The following CRYBG2 variants were observed in gnomAD, a reference collection of about 807,000 sequenced individuals.
The protein encoded by CRYBG2 is beta/gamma crystallin domain-containing protein 2.
In CRYBG2, 106 loss-of-function variants were observed where a neutral mutation model predicts 153.4. That is an observed-to-expected ratio of 0.69 (90% CI 0.59 to 0.81). CRYBG2 has a LOEUF of 0.81. Ranked by LOEUF, CRYBG2 falls within the 30% of genes least tolerant of loss-of-function variation. The pLI is 0.00. For synonymous variants in CRYBG2, 851 were observed against 877.8 expected (o/e 0.97, Z 0.54); for missense variants, 1,996 against 2,112.0 (o/e 0.95, Z 1.08).
Position 26,343,169 on chromosome 1 carries a change from C to T in CRYBG2, c.2962-10G>A. On this transcript the variant is annotated splice_polypyrimidine_tract_variant and intron_variant, in intron 3 of 19. Coordinates refer to ENST00000308182, the MANE Select transcript of CRYBG2 (RefSeq NM_001039775.4). The surrounding 1 kb of genome is among the most constrained non-coding windows in gnomAD (Gnocchi z 4.1). ...CTGAGAAGAAGATCACCTGAGAAGG[C>T]ACAGAAGGGGTCCTCAGGCCCTGAC... The T allele has an allele frequency of 7.7e-6, 12 of 1,550,642 alleles. No homozygotes were observed. The highest frequency in any genetic ancestry group is 1.0e-5 in the Non-Finnish European group (12 of 1,146,982).
Position 26,328,225 on chromosome 1 carries a change from A to T in CRYBG2, c.4562T>A (p.Leu1521His). The change falls in exon 17 of 20, where the codon CTC becomes CAC. Residue 1521 changes from leucine (L) to histidine (H), a missense_variant. Physicochemically the swap from Leu to His is moderately conservative, Grantham distance 99. Coordinates refer to ENST00000308182, the MANE Select transcript of CRYBG2 (RefSeq NM_001039775.4). ...GCTACCCACCTGCTTGATGGGGTAG[A>T]GGGAGCCCACCCTCTGGGTGCCGCT... ...TYSGTQRVGS[L>H]YPIKQRRVYF... 6.4e-7 allele frequency: 1 copy of T among 1,565,218 alleles called. No homozygotes were observed. Among genetic ancestry groups the T allele is most frequent in the Non-Finnish European group, 8.7e-7 (1 of 1,154,910 alleles).
intron 5 of CRYBG2, among the ~76,000 whole-genome samples, chr1:26,340,334 A>G (rs1436501697): frequency 6.6e-6 from 1 of 152,218 alleles, no homozygotes; most frequent in Non-Finnish European, 1.5e-5. Context: ...AGGTAAGGAA[A>G]GTGAGGCACG....
chr1:26,324,108 T>C, intron 18 of CRYBG2, 44 bp downstream of exon 18: 1 of 1,589,888 alleles, frequency 6.3e-7, no homozygotes, highest in Non-Finnish European at 8.6e-7. Context: ...GACCTGCAAA[T>C]GCCTAGGGCC....
chr1:26,352,503 A>C (rs1158115538), intron 1 of CRYBG2, among the ~76,000 whole-genome samples: 1 of 152,114 alleles, frequency 6.6e-6, no homozygotes, highest in Admixed American at 6.5e-5. Flanking sequence ...TTGGATGCAC[A>C]CGTATCTTAC....
rs1368325639 is a variant in CRYBG2 at position 26,344,228 on chromosome 1, T to C, written c.2430A>G (p.Pro810=). The C allele has an allele frequency of 1.3e-6, 2 of 1,535,364 alleles. No homozygotes were observed. The highest frequency in any genetic ancestry group is 2.7e-5 in the African/African-American group (2 of 73,122). ...LPAIEEDQLG[P]WVLGPGPQEV... ...CCTGGGGTCCGGGGCCCAGCACCCATGGCCCCAGCTGGTCCTCCTCAATGG... is the reference window on the plus strand; with the variant it reads ...CCTGGGGTCCGGGGCCCAGCACCCACGGCCCCAGCTGGTCCTCCTCAATGG... The change falls in exon 2 of 20, where the codon CCA becomes CCG. Residue 810 remains proline (P), a synonymous_variant. Transcript: ENST00000308182.
rs1413745791 is a variant in CRYBG2, at chr1:26,336,118, C to G, written c.4161G>C (p.Gln1387His). 2.6e-6 allele frequency: 4 copies of G among 1,510,454 alleles called. No homozygotes were observed. Among genetic ancestry groups the G allele is most frequent in the Non-Finnish European group, 2.7e-6 (3 of 1,121,778 alleles). 93.6% of individuals were successfully genotyped at this position (1,510,454 alleles called of 1,614,324 possible). A position where few individuals can be genotyped will look rare whatever the true frequency, so the allele number is the denominator to read the frequency against. ...QAALPASFRP[Q>H]SCRVHGGSWI... ...ACCTGCCGCCGTGGACCCGGCAGGA[C>G]TGAGGTCGGAAGGAGGCGGGCAGAG... The change falls in exon 14 of 20, where the codon CAG becomes CAC. Residue 1387 changes from glutamine (Q) to histidine (H), a missense_variant. By Grantham distance (24) the Gln-to-His change is conservative. Transcript: ENST00000308182. This position sits in a 1 kb window ranked among gnomAD's most constrained non-coding sequence, Gnocchi z 4.9.
intron 9 of CRYBG2, 60 bp downstream of exon 9, chr1:26,337,478 C>T: frequency 2.5e-6 from 4 of 1,603,406 alleles, no homozygotes; most frequent in Non-Finnish European, 3.4e-6. Context: ...AGGTCACTCC[C>T]CACTCCCAAG....
chr1:26,336,154 A>G lies in CRYBG2; in HGVS notation c.4125T>C (p.Asp1375=). The G allele has an allele frequency of 1.3e-6, 2 of 1,543,850 alleles. No individual in the cohort carries two copies. The highest frequency in any genetic ancestry group is 8.8e-7 in the Non-Finnish European group (1 of 1,140,882). ...DFLGDHFSFE[D]DQAALPASFR... ...AGGAGGCGGGCAGAGCGGCCTGGTC[A>G]TCTTCGAAAGAGAAGTGGTCGCCCA... is the stretch of plus-strand genomic sequence containing the variant. The change falls in exon 14 of 20, where the codon GAT becomes GAC. Residue 1375 remains aspartate, a synonymous_variant. Transcript: ENST00000308182. The surrounding 1 kb of genome is among the most constrained non-coding windows in gnomAD (Gnocchi z 4.9).
intron 1 of CRYBG2, among the ~76,000 whole-genome samples, chr1:26,349,110 A>C (rs2074258588): frequency 6.6e-6 from 1 of 151,966 alleles, no homozygotes; most frequent in Non-Finnish European, 1.5e-5. Flanking sequence ...CGGAGGTTGC[A>C]GTGAGCTGAG....
chr1:26,333,048 A>AAAAAAAAAAAAAT (rs2074016788), intron 14 of CRYBG2, among the ~76,000 whole-genome samples: 2 of 128,350 alleles, frequency 1.6e-5, no homozygotes, highest in African/African-American at 3.0e-5. Flanking sequence ...AAAAAAAAAG[A>AAAAAAAAAAAAAT]TTTCTAACAG....
chr1:26,330,925 C>A (rs569756524), intron 15 of CRYBG2, among the ~76,000 whole-genome samples: 4 of 152,298 alleles, frequency 2.6e-5, no homozygotes, highest in African/African-American at 7.2e-5. Context: ...CCCCACTGGC[C>A]ACACAGTCAC....
Position 26,346,312 on chromosome 1 carries a change from C to A in CRYBG2, c.346G>T (p.Glu116Ter). Residue 116 changes from glutamate to a stop codon, truncating the protein, a stop_gained, in exon 2 of 20, where the codon GAG becomes TAG. Transcript: ENST00000308182. LOFTEE classifies it high-confidence loss of function. This position sits in a 1 kb window ranked among gnomAD's most constrained non-coding sequence, Gnocchi z 4.9. ...CTGCCATCACTCTGGTCCACAGCCT[C>A]CTTCAGCCTCCCCTCAGGCCTTTTC... is the stretch of plus-strand genomic sequence containing the variant. Reference protein sequence around the residue: ...KEKRPEGRLKEAVDQSDGSRQ... With the variant: ...KEKRPEGRLK 6.3e-7 allele frequency: 1 copy of A among 1,599,284 alleles called. No individual in the cohort carries two copies.
chr1:26,324,215 G>T lies in CRYBG2; in HGVS notation c.4674C>A (p.Val1558=). The change falls in exon 18 of 20, where the codon GTC becomes GTA. Residue 1558 remains valine, a synonymous_variant. Transcript: ENST00000308182. ...AGCTACCTCCAGCTTGGGGGTCGGCGACCACCACACGGCCTGCTTTCATGT... is the reference window on the plus strand; with the variant it reads ...AGCTACCTCCAGCTTGGGGGTCGGCTACCACCACACGGCCTGCTTTCATGT... ...VEDMKAGRVV[V]ADPQAGGSCI... 1 of 1,612,974 alleles carries T rather than the reference G, an allele frequency of 6.2e-7. No homozygotes were observed. Among genetic ancestry groups the T allele is most frequent in the South Asian group, 1.1e-5 (1 of 91,042 alleles).
chr1:26,346,731 G>A lies in CRYBG2; in HGVS notation c.-55-19C>T. On this transcript the variant is annotated intron_variant, in intron 1 of 19. Coordinates refer to ENST00000308182, the MANE Select transcript of CRYBG2 (RefSeq NM_001039775.4). The surrounding 1 kb of genome is among the most constrained non-coding windows in gnomAD (Gnocchi z 4.9). ...CAGCTCCCTGCAGAGGAATAAGAAAGATGAGGGTCAGAGGGTGGTGAGAGT... is the reference window on the plus strand; with the variant it reads ...CAGCTCCCTGCAGAGGAATAAGAAAAATGAGGGTCAGAGGGTGGTGAGAGT... The A allele has an allele frequency of 3.5e-6, 5 of 1,424,638 alleles. No homozygotes were observed. Among genetic ancestry groups the A allele is most frequent in the Non-Finnish European group, 3.7e-6 (4 of 1,075,112 alleles). 88.2% of individuals were successfully genotyped at this position (1,424,638 alleles called of 1,614,324 possible). A position where few individuals can be genotyped will look rare whatever the true frequency, so the allele number is the denominator to read the frequency against.
chr1:26,337,459 A>T, intron 9 of CRYBG2, 79 bp downstream of exon 9: 1 of 1,600,594 alleles, frequency 6.2e-7, no homozygotes, highest in Admixed American at 1.7e-5. Context: ...CCCCACCCCT[A>T]CGCAGCCCAG....
intron 1 of CRYBG2, among the ~76,000 whole-genome samples, chr1:26,352,384 G>A (rs11247928): frequency 0.22 from 34,136 of 151,902 alleles, 4,624 homozygotes; most frequent in East Asian, 0.62. Context: ...AGAAACACAG[G>A]CACAGTGACA....
rs1270159130 is a variant in CRYBG2, at chr1:26,325,009, TGTTATCCTCATTTTAAAGATG to T, written c.4579-720_4579-700del. On this transcript the variant is annotated intron_variant, in intron 17 of 19. Transcript: ENST00000308182. The surrounding 1 kb of genome is among the most constrained non-coding windows in gnomAD (Gnocchi z 4.1). ...GTCCTCAAAACTGACCCATGACACGTGTTATCCTCATTTTAAAGATGAGGAAACGAAGGTCTAAGGAGGTAC... is the reference window on the plus strand; with the variant it reads ...GTCCTCAAAACTGACCCATGACACGTAGGAAACGAAGGTCTAAGGAGGTAC... 6.6e-6 allele frequency: 1 copy of T among 152,122 alleles called. No individual in the cohort carries two copies. The highest frequency in any genetic ancestry group is 1.9e-4 in the East Asian group (1 of 5,182). The allele number at this position is 152,122 out of a possible 1,614,324, so 9.4% of individuals were successfully genotyped here.
At chr1:26,342,968 C>T in intron 4 of CRYBG2, 79 bp downstream of exon 4, 1 of 1,560,908 alleles carries the variant, frequency 6.4e-7, no homozygotes, top group South Asian at 1.2e-5. Flanking sequence ...TTCTCCCAGG[C>T]TGGACTGGTC....
Position 26,325,622 on chromosome 1 carries a change from C to CAG in CRYBG2, c.4579-1313_4579-1312insCT, listed in dbSNP as rs1298822479. 6.6e-6 allele frequency among the ~76,000 whole-genome samples: 1 copy of CAG among 151,740 alleles called. No homozygotes were observed. Among genetic ancestry groups the CAG allele is most frequent in the African/African-American group, 2.4e-5 (1 of 41,290 alleles). On this transcript the variant is annotated intron_variant, in intron 17 of 19. Transcript: ENST00000308182. This position sits in a 1 kb window ranked among gnomAD's most constrained non-coding sequence, Gnocchi z 4.1. ...GCACTCCCACAGATACACACACACA[C>CAG]ACACACACACACACACAGGTCATCA...
Sources: gnomAD v4.1 joint callset for allele counts (sites outside exome capture counted in the v4.1 genomes callset) on GRCh38, gnomAD v4.1.1 for gene constraint, Gnocchi (gnomAD v3.1) non-coding constraint, MANE v1.5 for transcripts, NCBI Gene and HGNC (gene_info 2026-07-23, HGNC 2026-07-21) for gene names.